Variants in BICRAL observed in about 807,000 individuals in gnomAD.
BICRAL encodes the protein BICRA like chromatin remodeling complex associated protein, also known as BRD4-interacting chromatin-remodeling complex-associated protein-like.
A neutral mutation model predicts 91.8 loss-of-function variants in BICRAL; 8 were observed. The observed-to-expected ratio is 0.09, with a 90% CI of 0.05 to 0.16. The LOEUF is 0.16. Ranked by LOEUF, BICRAL falls within the 10% of genes least tolerant of loss-of-function variation. The pLI is 1.00. For missense variants in BICRAL, 1,038 were observed against 1,310.9 expected (o/e 0.79, Z 3.21); for synonymous variants, 445 against 491.1 (o/e 0.91, Z 1.24).
intron 1 of BICRAL, among the ~76,000 whole-genome samples, chr6:42,768,784 C>A (rs1230212636): frequency 6.6e-6 from 1 of 152,152 alleles, no homozygotes; most frequent in Admixed American, 6.6e-5. Context: ...GGCATTGCCC[C>A]CTAGGCTTTC....
chr6:42,782,738 C>T (rs552503016), intron 1 of BICRAL, among the ~76,000 whole-genome samples: 3 of 151,300 alleles, frequency 2.0e-5, no homozygotes, highest in African/African-American at 7.3e-5. Flanking sequence ...TTTTCCGCCC[C>T]CCGGAGCCGC....
At chr6:42,778,695 G>A (rs534092342), upstream of BICRAL, among the ~76,000 whole-genome samples, 11 of 152,220 alleles carry the variant, frequency 7.2e-5, no homozygotes, top group African/African-American at 2.6e-4. Flanking sequence ...CTGTTTTATT[G>A]GAGGGCCCAG....
upstream of BICRAL, among the ~76,000 whole-genome samples, chr6:42,780,797 C>T (rs562550035): frequency 2.0e-5 from 3 of 151,984 alleles, no homozygotes; most frequent in African/African-American, 4.8e-5. Flanking sequence ...GAGTGCAATG[C>T]GCGATCTCCG....
intron 11 of BICRAL, among the ~76,000 whole-genome samples, chr6:42,862,064 C>T (rs1343900415): frequency 6.6e-6 from 1 of 151,720 alleles, no homozygotes; most frequent in Non-Finnish European, 1.5e-5. Flanking sequence ...CAGGCAGGTG[C>T]GGAGGCTCAT....
chr6:42,810,560 G>A (rs935846969), intron 2 of BICRAL, among the ~76,000 whole-genome samples, 159 bp downstream of exon 2: 3 of 152,144 alleles, frequency 2.0e-5, no homozygotes, highest in African/African-American at 4.8e-5. Context: ...CATCCTTATC[G>A]ACATGAATCG....
intron 1 of BICRAL, among the ~76,000 whole-genome samples, chr6:42,800,605 A>G (rs1303398258): frequency 6.7e-6 from 1 of 149,974 alleles, no homozygotes; most frequent in East Asian, 2.0e-4. Context: ...GCTAGAGTGC[A>G]GTGCTGTGAT....
At chr6:42,781,484 G>C (rs1762902894), upstream of BICRAL, among the ~76,000 whole-genome samples, 2 of 150,082 alleles carry the variant, frequency 1.3e-5, 1 homozygote, top group African/African-American at 4.9e-5. Context: ...TATGCAAAAC[G>C]TATTCACTGA....
intron 2 of BICRAL, among the ~76,000 whole-genome samples, chr6:42,819,848 C>T (rs1764091778): frequency 6.6e-6 from 1 of 152,150 alleles, no homozygotes; most frequent in Non-Finnish European, 1.5e-5. Flanking sequence ...TAGAGTTGTA[C>T]CTACTGGGAC....
rs1263635072 is a variant in BICRAL at position 42,855,873 on chromosome 6, A to T, written c.2064A>T (p.Gly688=). 3 of 1,613,634 alleles carry T rather than the reference A, an allele frequency of 1.9e-6. No individual in the cohort carries two copies. The highest frequency in any genetic ancestry group is 1.7e-6 in the Non-Finnish European group (2 of 1,179,596). The change falls in exon 9 of 13, where the codon GGA becomes GGT. Residue 688 remains glycine, a synonymous_variant. Transcript: ENST00000314073. ...GTCTTTAGGTGGAGAGTCATTCGGGAGGACAAAAAAGGCCTGCTGCGAAAC... is the reference window on the plus strand; with the variant it reads ...GTCTTTAGGTGGAGAGTCATTCGGGTGGACAAAAAAGGCCTGCTGCGAAAC... ...HPAVQVESHS[G]GQKRPAAKQL...
intron 6 of BICRAL, among the ~76,000 whole-genome samples, chr6:42,847,107 A>G (rs1382969884): frequency 1.3e-5 from 2 of 152,192 alleles, no homozygotes; most frequent in Non-Finnish European, 2.9e-5. Context: ...AACATTAGCC[A>G]GGTACAGTGG....
intron 6 of BICRAL, among the ~76,000 whole-genome samples, chr6:42,833,378 C>A (rs1216326490): frequency 6.6e-6 from 1 of 152,140 alleles, no homozygotes; most frequent in African/African-American, 2.4e-5. Flanking sequence ...AAGCAATCCT[C>A]CCACCTCAGC....
intron 1 of BICRAL, among the ~76,000 whole-genome samples, chr6:42,790,529 C>T (rs1038228952): frequency 2.0e-5 from 3 of 151,330 alleles, no homozygotes; most frequent in South Asian, 2.1e-4. Context: ...TAGCACCCCC[C>T]CCCCACCTTC....
At chr6:42,813,364 AAAAAG>A (rs1763891552) in intron 2 of BICRAL, among the ~76,000 whole-genome samples, 1 of 152,344 alleles carries the variant, frequency 6.6e-6, no homozygotes, top group Admixed American at 6.5e-5. Flanking sequence ...ACATTATGAA[AAAAAG>A]AAAGGTAAGA....
At chr6:42,761,045 C>A (rs1274586859) in intron 1 of BICRAL, among the ~76,000 whole-genome samples, 1 of 151,650 alleles carries the variant, frequency 6.6e-6, no homozygotes, top group South Asian at 2.1e-4. Context: ...GACTCTGTCT[C>A]AAATAAAAAA....
intron 1 of BICRAL, among the ~76,000 whole-genome samples, chr6:42,791,498 A>G (rs1763270769): frequency 6.6e-6 from 1 of 152,120 alleles, no homozygotes; most frequent in Non-Finnish European, 1.5e-5. Flanking sequence ...ACTTTTTTTC[A>G]TTAGGAGTTG....
chr6:42,788,591 A>G (rs1190212463), intron 1 of BICRAL, among the ~76,000 whole-genome samples: 1 of 152,208 alleles, frequency 6.6e-6, no homozygotes. Flanking sequence ...AAGACAACGC[A>G]GTGTGGCAGA....
chr6:42,763,145 A>T (rs187676407), intron 1 of BICRAL, among the ~76,000 whole-genome samples: 3 of 152,306 alleles, frequency 2.0e-5, no homozygotes, highest in Non-Finnish European at 4.4e-5. Flanking sequence ...AACCTGAATC[A>T]TAGCAGGAAC....
At chr6:42,840,799 C>T (rs1338109138) in intron 6 of BICRAL, among the ~76,000 whole-genome samples, 6 of 151,714 alleles carry the variant, frequency 4.0e-5, no homozygotes, top group Non-Finnish European at 7.4e-5. Context: ...GCAGGCAGGG[C>T]GCAGTGGCTC....
intron 1 of BICRAL, among the ~76,000 whole-genome samples, chr6:42,783,624 G>C (rs370990965): frequency 6.6e-6 from 1 of 152,332 alleles, no homozygotes; most frequent in African/African-American, 2.4e-5. Flanking sequence ...CTGGAGATGG[G>C]ACTGGGGTCG....
Sources: allele counts gnomAD v4.1 joint callset (sites outside exome capture counted in the v4.1 genomes callset), GRCh38; gene constraint gnomAD v4.1.1; transcripts MANE v1.5; gene names NCBI Gene and HGNC (gene_info 2026-07-23, HGNC 2026-07-21).